The following GIPC3 variants were observed in gnomAD, a reference collection of about 807,000 sequenced individuals.
The protein encoded by GIPC3 is PDZ domain-containing protein GIPC3.
A neutral mutation model predicts 27.3 loss-of-function variants in GIPC3; 16 were observed. The ratio of observed to expected loss-of-function variants is 0.59; its 90% CI spans 0.40 to 0.89. GIPC3 has a LOEUF of 0.89. Ranked by LOEUF, GIPC3 falls within the 40% of genes least tolerant of loss-of-function variation. GIPC3 has a pLI of 0.00. For synonymous variants in GIPC3, 194 were observed against 184.6 expected, an observed-to-expected ratio of 1.05 and a Z score of -0.41; for missense variants, 440 against 442.1, an observed-to-expected ratio of 1.00 and a Z score of 0.04.
Position 3,589,839 on chromosome 19 carries a change from G to C in GIPC3, c.714G>C (p.Glu238Asp). The C allele has an allele frequency of 6.2e-7, 1 of 1,613,822 alleles. No individual in the cohort carries two copies. The highest frequency in any genetic ancestry group is 8.5e-7 in the Non-Finnish European group (1 of 1,180,000). ...GAATVEEAPS[E>D]FEEEASRKVD... ...CTCCCGTGTGCCCCCAGCCCAGTGA[G>C]TTTGAGGAGGAGGCATCTCGGAAGG... The change falls in exon 5 of 6, where the codon GAG becomes GAC. Residue 238 changes from glutamate to aspartate, a missense_variant. Coordinates refer to ENST00000644452, the MANE Select transcript of GIPC3 (RefSeq NM_133261.3).
intron 3 of GIPC3, among the ~76,000 whole-genome samples, chr19:3,589,228 C>G (rs572000397): frequency 1.3e-5 from 2 of 152,270 alleles, no homozygotes; most frequent in African/African-American, 4.8e-5. Context: ...TAAACCTGCT[C>G]CATTACAACA....
At chr19:3,587,125 A>T in intron 3 of GIPC3, 131 bp downstream of exon 3, 12 of 693,880 alleles carry the variant, frequency 1.7e-5, no homozygotes, top group East Asian at 3.2e-5. Context: ...AGCTCCTGGC[A>T]GGGTATCAGA....
At chr19:3,589,217 C>G (rs1319381128) in intron 3 of GIPC3, among the ~76,000 whole-genome samples, 1 of 152,196 alleles carries the variant, frequency 6.6e-6, no homozygotes, top group Non-Finnish European at 1.5e-5. Context: ...GATGTTAGTT[C>G]TAAACCTGCT....
chr19:3,587,030 GTGCGTTC>G, intron 3 of GIPC3, 36 bp downstream of exon 3: 1 of 1,589,374 alleles, frequency 6.3e-7, no homozygotes, highest in Non-Finnish European at 8.6e-7. Flanking sequence ...TCTTCCCGAA[GTGCGTTC>G]TACGGATGCC....
chr19:3,591,577 G>A lies in GIPC3; in HGVS notation c.*1387G>A, dbSNP rs2145277406. The A allele has an allele frequency of 8.1e-7, 1 of 1,232,920 alleles. No homozygotes were observed. Among genetic ancestry groups the A allele is most frequent in the South Asian group, 4.1e-5 (1 of 24,452 alleles). 76.4% of individuals were successfully genotyped at this position (1,232,920 alleles called of 1,614,324 possible). ...GGAACCCCAGTCAGCTCAGGATTCA[G>A]AGACAGCTCCCAAATCAAATCCTAT... On this transcript the variant is annotated 3_prime_UTR_variant, in exon 6 of 6. Coordinates refer to ENST00000644452, the MANE Select transcript of GIPC3 (RefSeq NM_133261.3).
rs1225992503 is a variant in GIPC3, at chr19:3,585,703, C to G, written c.106C>G (p.Arg36Gly). Reference sequence around the variant, plus strand: ...CCCGGCCGCGCCCCGCGCCCGCCCGCGCCTCGTCTTCCGCACGCAGCTGGC... The same window carrying G: ...CCCGGCCGCGCCCCGCGCCCGCCCGGGCCTCGTCTTCCGCACGCAGCTGGC... ...EPPAAPRARP[R>G]LVFRTQLAHG... is the part of the protein sequence containing the mutation. Residue 36 changes from arginine to glycine, a missense_variant, in exon 1 of 6, where the codon CGC becomes GGC. Coordinates refer to ENST00000644452, the MANE Select transcript of GIPC3 (RefSeq NM_133261.3). 2 of 1,452,654 alleles carry G rather than the reference C, an allele frequency of 1.4e-6. No homozygotes were observed. The highest frequency in any genetic ancestry group is 1.8e-6 in the Non-Finnish European group (2 of 1,095,818). 90.0% of individuals were successfully genotyped at this position (1,452,654 alleles called of 1,614,324 possible).
rs1328890918 is a variant in GIPC3 at position 3,591,809 on chromosome 19, C to G, written c.*1619C>G. 1.6e-6 allele frequency: 2 copies of G among 1,233,678 alleles called. No individual in the cohort carries two copies. The highest frequency in any genetic ancestry group is 3.1e-5 in the African/African-American group (2 of 64,416). The allele number at this position is 1,233,678 out of a possible 1,614,324, so 76.4% of individuals were successfully genotyped here. ...CCAGGATTCAGACCAGCTCTGGAAC[C>G]CCATCCATCTTGGAAGCAAGACCCA... is the stretch of plus-strand genomic sequence containing the variant. On this transcript the variant is annotated 3_prime_UTR_variant, in exon 6 of 6. Transcript: ENST00000644452.
rs2032524836 is a variant in GIPC3 at position 3,593,279 on chromosome 19, G to A, written c.*3089G>A. On this transcript the variant is annotated 3_prime_UTR_variant, in exon 6 of 6. Coordinates refer to ENST00000644452, the MANE Select transcript of GIPC3 (RefSeq NM_133261.3). ...AGCCAGGAGCCCGCCCTTACCGCGG[G>A]GGGCCGTAGCTTGGCTGTGACTTAG... 1 of 1,232,264 alleles carries A rather than the reference G, an allele frequency of 8.1e-7. No individual in the cohort carries two copies. The highest frequency in any genetic ancestry group is 1.0e-6 in the Non-Finnish European group (1 of 988,182). 76.3% of individuals were successfully genotyped at this position (1,232,264 alleles called of 1,614,324 possible).
intron 4 of GIPC3, 103 bp from the exon 5 acceptor site, chr19:3,589,728 G>C: frequency 8.1e-7 from 1 of 1,229,888 alleles, no homozygotes; most frequent in Admixed American, 1.8e-5. Flanking sequence ...TGACTCGTGT[G>C]AGGGTCCAGT....
At position 3,592,673 on chromosome 19, in the gene GIPC3, C is replaced by G; in HGVS notation, c.*2483C>G. 1.6e-6 allele frequency: 2 copies of G among 1,231,888 alleles called. No individual in the cohort carries two copies. Among genetic ancestry groups the G allele is most frequent in the Non-Finnish European group, 2.0e-6 (2 of 987,952 alleles). 76.3% of individuals were successfully genotyped at this position (1,231,888 alleles called of 1,614,324 possible). A position where few individuals can be genotyped will look rare whatever the true frequency, so the allele number is the denominator to read the frequency against. ...CAAGAATTCAGCCCGACTCTGGAGC[C>G]CAACTTAGTTCCAGAACCCAGTCCA... On this transcript the variant is annotated 3_prime_UTR_variant, in exon 6 of 6. Coordinates refer to ENST00000644452, the MANE Select transcript of GIPC3 (RefSeq NM_133261.3).
Position 3,586,816 on chromosome 19 carries a change from AATCAAGGAAGGCAGTATC to A in GIPC3, c.420_437del (p.Lys140_Ile145del). ...CCAGCGACGCTGGATCCCTGCAGAG[AATCAAGGAAGGCAGTATC>A]ATCAACCGGATCGAGGCAGTGTGCG... On this transcript the variant is annotated inframe_deletion, in exon 3 of 6. Coordinates refer to ENST00000644452, the MANE Select transcript of GIPC3 (RefSeq NM_133261.3). 1 of 1,613,474 alleles carries A rather than the reference AATCAAGGAAGGCAGTATC, an allele frequency of 6.2e-7. No homozygotes were observed. Among genetic ancestry groups the A allele is most frequent in the Non-Finnish European group, 8.5e-7 (1 of 1,179,956 alleles).
In GIPC3 at chr19:3,592,177, G is replaced by C. The variant is rs1458839358; in HGVS notation, c.*1987G>C. The C allele has an allele frequency of 8.1e-7, 1 of 1,231,930 alleles. No homozygotes were observed. Among genetic ancestry groups the C allele is most frequent in the African/African-American group, 1.6e-5 (1 of 64,398 alleles). 76.3% of individuals were successfully genotyped at this position (1,231,930 alleles called of 1,614,324 possible). A position where few individuals can be genotyped will look rare whatever the true frequency, so the allele number is the denominator to read the frequency against. On this transcript the variant is annotated 3_prime_UTR_variant, in exon 6 of 6. Transcript: ENST00000644452. ...CTGTCTAGTTCCGACAGCAGGTCCA[G>C]CTCCAGGACCCAGCGCTGCCCAGGA...
chr19:3,588,067 T>C (rs1374247996), intron 3 of GIPC3, among the ~76,000 whole-genome samples: 1 of 150,010 alleles, frequency 6.7e-6, no homozygotes, highest in African/African-American at 2.5e-5. Flanking sequence ...TGCAATGGTG[T>C]GATCTCGGCT....
At chr19:3,589,760 G>T in intron 4 of GIPC3, 71 bp from the exon 5 acceptor site, 1 of 1,451,582 alleles carries the variant, frequency 6.9e-7, no homozygotes, top group Non-Finnish European at 9.7e-7. Context: ...TTAGGGGTGG[G>T]GGTCGGGAGG....
chr19:3,589,754 G>A, intron 4 of GIPC3, 77 bp from the exon 5 acceptor site: 2 of 1,409,080 alleles, frequency 1.4e-6, no homozygotes, highest in East Asian at 2.3e-5. Context: ...CTTCCCTTAG[G>A]GGTGGGGGTC....
chr19:3,593,247 C>G lies in GIPC3; in HGVS notation c.*3057C>G, dbSNP rs2032523616. 6 of 1,232,750 alleles carry G rather than the reference C, an allele frequency of 4.9e-6. No homozygotes were observed. The East Asian group carries it at 1.9e-4, about 39-fold the overall frequency. 76.4% of individuals were successfully genotyped at this position (1,232,750 alleles called of 1,614,324 possible). A position where few individuals can be genotyped will look rare whatever the true frequency, so the allele number is the denominator to read the frequency against. On this transcript the variant is annotated 3_prime_UTR_variant, in exon 6 of 6. Coordinates refer to ENST00000644452, the MANE Select transcript of GIPC3 (RefSeq NM_133261.3). The stretch of plus-strand genomic sequence containing the variant: ...TTTGGCGCCAGCCCTTTGCCCCACT[C>G]TGGGGGAGCCAGGAGCCCGCCCTTA...
Position 3,585,979 on chromosome 19 carries a change from G to A in GIPC3, c.225+157G>A, listed in dbSNP as rs545416131. Among the ~76,000 whole-genome samples, 552 of 152,316 alleles carry A rather than the reference G, an allele frequency of 3.6e-3. 2 individuals carry two copies. Among genetic ancestry groups the A allele is most frequent in the Non-Finnish European group, 6.9e-3 (466 of 68,024 alleles). ...TCAGAGACCCAGCCCTCAGATCCCG[G>A]GGTGCCACACTCCCAGGGGCCCCCT... is the stretch of plus-strand genomic sequence containing the variant. On this transcript the variant is annotated intron_variant, in intron 1 of 5. Transcript: ENST00000644452.
chr19:3,589,826 C>T lies in GIPC3; in HGVS notation c.706-5C>T, dbSNP rs764630987. 4 of 1,613,472 alleles carry T rather than the reference C, an allele frequency of 2.5e-6. No homozygotes were observed. In the Admixed American group the frequency reaches 6.7e-5, roughly 27 times the overall value. On this transcript the variant is annotated splice_region_variant and splice_polypyrimidine_tract_variant and intron_variant, in intron 4 of 5. Transcript: ENST00000644452. The stretch of plus-strand genomic sequence containing the variant: ...ACCCCTGACTTCCCTCCCGTGTGCC[C>T]CCAGCCCAGTGAGTTTGAGGAGGAG...
chr19:3,588,552 G>A (rs2032418677), intron 3 of GIPC3, among the ~76,000 whole-genome samples: 1 of 151,410 alleles, frequency 6.6e-6, no homozygotes, highest in South Asian at 2.1e-4. Flanking sequence ...ATAGAGTTTA[G>A]GCCGGGCGTG....
Sources: gnomAD v4.1 joint callset for allele counts (sites outside exome capture counted in the v4.1 genomes callset) on GRCh38, gnomAD v4.1.1 for gene constraint, MANE v1.5 for transcripts, NCBI Gene and HGNC (gene_info 2026-07-23, HGNC 2026-07-21) for gene names.